Variants in HTR7 observed in about 807,000 individuals in gnomAD.
The protein encoded by HTR7 is 5-hydroxytryptamine receptor 7.
HTR7 carries 16 observed loss-of-function variants against 34.0 expected under a neutral mutation model. The observed-to-expected ratio is 0.47, with a 90% CI of 0.32 to 0.71. HTR7 has a LOEUF of 0.71. HTR7 is among the 30% of genes least tolerant of loss of function. The pLI, the probability that HTR7 is intolerant of heterozygous loss-of-function variation, is 0.04. For synonymous variants in HTR7, 265 were observed against 260.2 expected, an observed-to-expected ratio of 1.02 and a Z score of -0.18; for missense variants, 504 against 625.5, an observed-to-expected ratio of 0.81 and a Z score of 2.07.
intron 1 of HTR7, among the ~76,000 whole-genome samples, chr10:90,821,752 G>C (rs1012335416): frequency 3.9e-5 from 6 of 152,184 alleles, no homozygotes; most frequent in African/African-American, 7.2e-5. Flanking sequence ...GGCCTGGTGG[G>C]AGGTGACTGA....
At chr10:90,836,058 G>A (rs1050666577) in intron 1 of HTR7, among the ~76,000 whole-genome samples, 17 of 152,034 alleles carry the variant, frequency 1.1e-4, no homozygotes, top group African/African-American at 4.1e-4. Flanking sequence ...CACAAATTAC[G>A]TATCCTTCCC....
Position 90,748,351 on chromosome 10 carries a change from C to A in HTR7, c.1295+488G>T, listed in dbSNP as rs549951831. Among the ~76,000 whole-genome samples the A allele has an allele frequency of 2.2e-3, 330 of 152,292 alleles. 1 individual carries two copies. The highest frequency in any genetic ancestry group is 0.014 in the Middle Eastern group (4 of 294). ...TCCTGGCATCTCCCCACACTAACAA[C>A]TCTTCTTTTTCCTGGGCTGCCTCCT... On this transcript the variant is annotated intron_variant, in intron 2 of 3. Coordinates refer to ENST00000336152, the MANE Select transcript of HTR7 (RefSeq NM_019859.4).
At chr10:90,798,834 CTTAG>C (rs1482365549) in intron 1 of HTR7, among the ~76,000 whole-genome samples, 1 of 152,168 alleles carries the variant, frequency 6.6e-6, no homozygotes, top group East Asian at 1.9e-4. Context: ...TTGGGAGGAA[CTTAG>C]TTATAGTTTA....
rs1477743188 is a variant in HTR7, at chr10:90,857,806, G to T, written c.-135C>A. The T allele has an allele frequency of 2.4e-6, 2 of 836,768 alleles. No individual in the cohort carries two copies. Among genetic ancestry groups the T allele is most frequent in the Non-Finnish European group, 3.2e-6 (2 of 620,004 alleles). The allele number at this position is 836,768 out of a possible 1,614,324, so 51.8% of individuals were successfully genotyped here. On this transcript the variant is annotated 5_prime_UTR_variant, in exon 1 of 4. Coordinates refer to ENST00000336152, the MANE Select transcript of HTR7 (RefSeq NM_019859.4). This position sits in a 1 kb window ranked among gnomAD's most constrained non-coding sequence, Gnocchi z 6.5. ...GGGCCCGCGCCGACCGCTGGGGGGC[G>T]CCTGGCTCTGTCTCGGAGCCCCGCA...
At chr10:90,848,267 G>T (rs1846443030) in intron 1 of HTR7, among the ~76,000 whole-genome samples, 3 of 152,026 alleles carry the variant, frequency 2.0e-5, no homozygotes, top group Admixed American at 2.0e-4. Flanking sequence ...TCTCCATGTT[G>T]GTCAGGCTGG....
intron 1 of HTR7, among the ~76,000 whole-genome samples, chr10:90,828,561 G>C (rs1025911058): frequency 2.0e-5 from 3 of 152,030 alleles, no homozygotes; most frequent in African/African-American, 7.2e-5. Context: ...GATTATGAGA[G>C]GCTTAATATG....
chr10:90,761,633 CGTGT>C (rs3981197), intron 1 of HTR7, among the ~76,000 whole-genome samples: 4,358 of 147,186 alleles, frequency 0.03, 166 homozygotes, highest in African/African-American at 0.089. Flanking sequence ...TGTGTGTATG[CGTGT>C]GTGTGTGTGT....
intron 1 of HTR7, among the ~76,000 whole-genome samples, chr10:90,856,780 C>T (rs1043343812): frequency 6.6e-6 from 1 of 152,158 alleles, no homozygotes; most frequent in African/African-American, 2.4e-5. Context: ...CTCTTTAAGG[C>T]TCACAGCAAG....
At chr10:90,774,184 T>C (rs11599921) in intron 1 of HTR7, among the ~76,000 whole-genome samples, 21,436 of 152,144 alleles carry the variant, frequency 0.14, 1,817 homozygotes, top group East Asian at 0.2. Flanking sequence ...ATCAGAATTT[T>C]CCACAGAAGA....
At chr10:90,779,370 A>G (rs541571133) in intron 1 of HTR7, among the ~76,000 whole-genome samples, 1 of 152,292 alleles carries the variant, frequency 6.6e-6, no homozygotes, top group South Asian at 2.1e-4. Context: ...GAAGTGGGCA[A>G]TGTTCTGTCC....
At chr10:90,844,721 C>A (rs1393829013) in intron 1 of HTR7, among the ~76,000 whole-genome samples, 2 of 81,098 alleles carry the variant, frequency 2.5e-5, no homozygotes, top group Admixed American at 1.9e-4. Flanking sequence ...AATGAGACTC[C>A]GTCTCAAAAA....
At chr10:90,777,134 G>T (rs760955115) in intron 1 of HTR7, among the ~76,000 whole-genome samples, 1 of 152,106 alleles carries the variant, frequency 6.6e-6, no homozygotes, top group Non-Finnish European at 1.5e-5. Flanking sequence ...ACGACCCAAA[G>T]GACCCAACAT....
chr10:90,834,959 G>A (rs1455502570), intron 1 of HTR7, among the ~76,000 whole-genome samples: 1 of 152,140 alleles, frequency 6.6e-6, no homozygotes, highest in East Asian at 1.9e-4. Context: ...TTGGGACAGG[G>A]AATGTTATCG....
intron 1 of HTR7, among the ~76,000 whole-genome samples, chr10:90,810,190 A>G (rs1308103903): frequency 2.6e-5 from 4 of 152,114 alleles, no homozygotes; most frequent in Non-Finnish European, 4.4e-5. Context: ...TATTAGGCCA[A>G]GACACTTTAA....
intron 1 of HTR7, among the ~76,000 whole-genome samples, chr10:90,791,435 C>G (rs760906972): frequency 2.0e-5 from 3 of 151,972 alleles, no homozygotes; most frequent in Non-Finnish European, 4.4e-5. Context: ...ACATTGAACA[C>G]TGAACAGAAT....
Position 90,857,085 on chromosome 10 carries a change from C to T in HTR7, c.539+48G>A, listed in dbSNP as rs1381475334. ...AAGGCGAGCGCGCGGGGCTGAGCTGCCAGCCGGTCCCCAGCCGGAGCCTGG... is the reference window on the plus strand; with the variant it reads ...AAGGCGAGCGCGCGGGGCTGAGCTGTCAGCCGGTCCCCAGCCGGAGCCTGG... On this transcript the variant is annotated intron_variant, in intron 1 of 3. Transcript: ENST00000336152. This position sits in a 1 kb window ranked among gnomAD's most constrained non-coding sequence, Gnocchi z 6.5. The T allele has an allele frequency of 6.8e-7, 1 of 1,479,506 alleles. No individual in the cohort carries two copies. The highest frequency in any genetic ancestry group is 2.4e-5 in the Admixed American group (1 of 42,334). 91.6% of individuals were successfully genotyped at this position (1,479,506 alleles called of 1,614,324 possible).
chr10:90,771,123 G>C (rs910667606), intron 1 of HTR7, among the ~76,000 whole-genome samples: 18 of 152,056 alleles, frequency 1.2e-4, no homozygotes, highest in Non-Finnish European at 2.6e-4. Context: ...TCTCTGCTGG[G>C]AGCCAAACAC....
chr10:90,757,099 A>G (rs926368550), intron 1 of HTR7, among the ~76,000 whole-genome samples: 2 of 152,230 alleles, frequency 1.3e-5, no homozygotes, highest in African/African-American at 4.8e-5. Flanking sequence ...AAAGAAATGA[A>G]TGGCATAAAA....
At chr10:90,849,909 C>T (rs990697710) in intron 1 of HTR7, among the ~76,000 whole-genome samples, 7 of 152,200 alleles carry the variant, frequency 4.6e-5, no homozygotes, top group Non-Finnish European at 1.0e-4. Context: ...GAACAAAATC[C>T]TAGAGAAGAC....
Sources: allele counts gnomAD v4.1 joint callset (sites outside exome capture counted in the v4.1 genomes callset), GRCh38; gene constraint gnomAD v4.1.1; non-coding constraint Gnocchi (gnomAD v3.1); transcripts MANE v1.5; gene names NCBI Gene and HGNC (gene_info 2026-07-23, HGNC 2026-07-21).